ATP8A2: variants seen among roughly 807,000 people sequenced by gnomAD.
ATP8A2 encodes the protein ATPase phospholipid transporting 8A2, also known as phospholipid-transporting ATPase IB.
In ATP8A2, 100 loss-of-function variants were observed where a neutral mutation model predicts 165.6. The observed-to-expected ratio is 0.60, with a 90% confidence interval of 0.51 to 0.71. ATP8A2 has a LOEUF of 0.71. Among genes scored for constraint, ATP8A2 ranks in the 30% least tolerant of loss-of-function variants. The pLI is 0.00. For synonymous variants in ATP8A2, 543 were observed against 548.8 expected (o/e 0.99, Z 0.15); for missense variants, 1,227 against 1,479.5 (o/e 0.83, Z 2.80).
chr13:25,559,852 C>T lies in ATP8A2; in HGVS notation c.1397+87C>T, dbSNP rs148561050. 2.7e-4 allele frequency: 274 copies of T among 1,026,486 alleles called. No homozygotes were observed. The African/African-American group carries it at 4.0e-3, about 15-fold the overall frequency. The allele number at this position is 1,026,486 out of a possible 1,614,324, so 63.6% of individuals were successfully genotyped here. A position where few individuals can be genotyped will look rare whatever the true frequency, so the allele number is the denominator to read the frequency against. ...TATTATTCATTTACATTTTTAGAGA[C>T]AGCCTCACTCTATTGCACAGGATGG... On this transcript the variant is annotated intron_variant, in intron 15 of 36. Coordinates refer to ENST00000381655, the MANE Select transcript of ATP8A2 (RefSeq NM_016529.6).
rs144493643 is a variant in ATP8A2 at position 25,794,012 on chromosome 13, G to A, written c.2679+19053G>A. On this transcript the variant is annotated intron_variant, in intron 27 of 36. Transcript: ENST00000381655. The stretch of plus-strand genomic sequence containing the variant: ...AGACATGGGGGAGAAGGAGGTAATC[G>A]TCATCAATACATCATCCCTACCTCT... 4.4e-3 allele frequency among the ~76,000 whole-genome samples: 674 copies of A among 152,250 alleles called. 3 individuals carry two copies. Among genetic ancestry groups the A allele is most frequent in the African/African-American group, 0.015 (640 of 41,544 alleles).
chr13:25,626,473 C>T (rs1390712971), intron 24 of ATP8A2, among the ~76,000 whole-genome samples: 2 of 152,122 alleles, frequency 1.3e-5, no homozygotes, highest in Non-Finnish European at 2.9e-5. Context: ...TCCTAATTAC[C>T]TCCTGAAGCC....
At chr13:25,911,162 A>G (rs1051639464) in intron 33 of ATP8A2, among the ~76,000 whole-genome samples, 12 of 152,182 alleles carry the variant, frequency 7.9e-5, no homozygotes, top group Admixed American at 2.0e-4. Flanking sequence ...CCCTGCTGAC[A>G]GGGATTGGCA....
At chr13:25,457,590 A>G (rs955605945) in intron 1 of ATP8A2, among the ~76,000 whole-genome samples, 1 of 152,238 alleles carries the variant, frequency 6.6e-6, no homozygotes, top group Non-Finnish European at 1.5e-5. Flanking sequence ...CAGAATGCTT[A>G]GAACAGTGGT....
chr13:25,401,557 CT>C (rs551993807), intron 1 of ATP8A2, among the ~76,000 whole-genome samples: 1 of 151,752 alleles, frequency 6.6e-6, no homozygotes, highest in Admixed American at 6.6e-5. Flanking sequence ...TCAAGCTGTT[CT>C]TTTTTTTAGC....
intron 24 of ATP8A2, among the ~76,000 whole-genome samples, chr13:25,678,409 G>A (rs1035670196): frequency 6.6e-6 from 1 of 152,178 alleles, no homozygotes; most frequent in Non-Finnish European, 1.5e-5. Flanking sequence ...GGATTAAAAG[G>A]CCCCACTGGA....
intron 23 of ATP8A2, among the ~76,000 whole-genome samples, chr13:25,582,261 G>C (rs557858998): frequency 2.0e-5 from 3 of 152,316 alleles, no homozygotes; most frequent in Non-Finnish European, 2.9e-5. Context: ...CTGAGACTAA[G>C]AGAGCATGTT....
intron 1 of ATP8A2, 171 bp from the exon 2 acceptor site, chr13:25,468,806 C>T: frequency 1.0e-6 from 1 of 982,604 alleles, no homozygotes; most frequent in Non-Finnish European, 1.2e-6. Context: ...TTGGCTGCCG[C>T]GGCACAGGCG....
chr13:25,870,430 C>T (rs1593479540), intron 33 of ATP8A2, among the ~76,000 whole-genome samples: 1 of 152,224 alleles, frequency 6.6e-6, no homozygotes, highest in East Asian at 1.9e-4. Flanking sequence ...CATGCCCTTC[C>T]CCCATTCTGT....
At chr13:25,453,902 C>T (rs1324467095) in intron 1 of ATP8A2, among the ~76,000 whole-genome samples, 2 of 152,066 alleles carry the variant, frequency 1.3e-5, no homozygotes, top group Non-Finnish European at 2.9e-5. Flanking sequence ...GATAGATTTT[C>T]CTGAAGCTGG....
chr13:25,725,238 C>G (rs2138054338), intron 25 of ATP8A2, among the ~76,000 whole-genome samples: 1 of 152,358 alleles, frequency 6.6e-6, no homozygotes, highest in Non-Finnish European at 1.5e-5. Flanking sequence ...TTGCCTTTTA[C>G]TTCCTGTCCT....
In ATP8A2 at chr13:25,580,033, T is replaced by C. The variant is rs1172024465; in HGVS notation, c.2007+86T>C. 5.5e-6 allele frequency: 8 copies of C among 1,445,092 alleles called. No individual in the cohort carries two copies. The Admixed American group carries it at 1.5e-4, about 26-fold the overall frequency. The allele number at this position is 1,445,092 out of a possible 1,614,324, so 89.5% of individuals were successfully genotyped here. ...AGTATTTGAACAGGAATCCTTTTAC[T>C]ATGTAGGGATGTTCTCTTTTCTTGT... On this transcript the variant is annotated intron_variant, in intron 22 of 36. Transcript: ENST00000381655.
chr13:25,884,447 C>T (rs1020557607), intron 33 of ATP8A2, among the ~76,000 whole-genome samples: 1 of 152,180 alleles, frequency 6.6e-6, no homozygotes, highest in Non-Finnish European at 1.5e-5. Flanking sequence ...TCCCACTTCT[C>T]GCGGGTGCCT....
At chr13:25,956,759 G>GA (rs1389897671) in intron 33 of ATP8A2, among the ~76,000 whole-genome samples, 2 of 151,974 alleles carry the variant, frequency 1.3e-5, no homozygotes. Flanking sequence ...CACAGAATTA[G>GA]AAAAAAACTA....
chr13:25,461,429 T>C (rs1490276025), intron 1 of ATP8A2, among the ~76,000 whole-genome samples: 4 of 152,196 alleles, frequency 2.6e-5, no homozygotes, highest in African/African-American at 7.2e-5. Context: ...TTTGTAAATA[T>C]GGGGTAGAGG....
intron 33 of ATP8A2, among the ~76,000 whole-genome samples, chr13:25,879,846 G>A (rs1474952782): frequency 3.3e-5 from 5 of 152,216 alleles, no homozygotes; most frequent in Admixed American, 2.6e-4. Flanking sequence ...GAAAATCCTA[G>A]ACTTTTTCTT....
chr13:25,897,553 T>C lies in ATP8A2; in HGVS notation c.3183+35145T>C, dbSNP rs1449868410. On this transcript the variant is annotated intron_variant, in intron 33 of 36. Coordinates refer to ENST00000381655, the MANE Select transcript of ATP8A2 (RefSeq NM_016529.6). Reference sequence around the variant, plus strand: ...CAAGGAGTATCTTTGTGGCGTTCTCTGTATTTCCTGAATTTGAATGTTGGC... The same window carrying C: ...CAAGGAGTATCTTTGTGGCGTTCTCCGTATTTCCTGAATTTGAATGTTGGC... Among the ~76,000 whole-genome samples, 5 of 152,316 alleles carry C rather than the reference T, an allele frequency of 3.3e-5. No individual in the cohort carries two copies. The East Asian group carries it at 7.7e-4, about 24-fold the overall frequency.
At chr13:25,509,862 A>G (rs1325404581) in intron 2 of ATP8A2, among the ~76,000 whole-genome samples, 1 of 152,264 alleles carries the variant, frequency 6.6e-6, no homozygotes, top group Non-Finnish European at 1.5e-5. Flanking sequence ...ACCAAATGCA[A>G]TAAGGCTATT....
At chr13:25,696,355 C>T (rs184857601) in intron 24 of ATP8A2, among the ~76,000 whole-genome samples, 2 of 152,342 alleles carry the variant, frequency 1.3e-5, no homozygotes, top group Non-Finnish European at 2.9e-5. Flanking sequence ...TAACAAGAGT[C>T]AGCCTATCCT....
Sources: allele counts gnomAD v4.1 joint callset (sites outside exome capture counted in the v4.1 genomes callset), GRCh38; gene constraint gnomAD v4.1.1; transcripts MANE v1.5; gene names NCBI Gene and HGNC (gene_info 2026-07-23, HGNC 2026-07-21).